The following GOLGA4 variants were observed in gnomAD, a reference collection of about 807,000 sequenced individuals.
The protein encoded by GOLGA4 is golgin subfamily A member 4.
A neutral mutation model predicts 265.9 loss-of-function variants in GOLGA4; 169 were observed. The ratio of observed to expected loss-of-function variants is 0.64; its 90% CI spans 0.56 to 0.72. The LOEUF (loss-of-function observed/expected upper bound fraction) is 0.72, where lower values mean the gene tolerates loss of function less well. GOLGA4 is among the 30% of genes least tolerant of loss of function. The probability of loss-of-function intolerance (pLI) is 0.00; values close to 1 mark genes in which losing one functional copy is unlikely to be tolerated. For missense variants in GOLGA4, 2,482 were observed against 2,483.4 expected, an observed-to-expected ratio of 1.00 and a Z score of 0.01; for synonymous variants, 923 against 855.8, an observed-to-expected ratio of 1.08 and a Z score of -1.37.
chr3:37,336,098 C>T (rs964891313), intron 17 of GOLGA4, among the ~76,000 whole-genome samples: 2 of 152,186 alleles, frequency 1.3e-5, no homozygotes, highest in African/African-American at 2.4e-5. Flanking sequence ...CTATAAAGAG[C>T]TTTGCTACTC....
Position 37,324,736 on chromosome 3 carries a change from A to T in GOLGA4, c.2850A>T (p.Lys950Asn), listed in dbSNP as rs1419524308. 1 of 1,585,632 alleles carries T rather than the reference A, an allele frequency of 6.3e-7. No individual in the cohort carries two copies. Among genetic ancestry groups the T allele is most frequent in the Non-Finnish European group, 8.5e-7 (1 of 1,172,408 alleles). ...ILNEEYETKF[K>N]NQEKKMEKVK... is the part of the protein sequence containing the mutation. ...ATGAGGAATATGAAACCAAATTTAAAAACCAAGAAAAAAAGATGGAAAAAG... is the reference window on the plus strand; with the variant it reads ...ATGAGGAATATGAAACCAAATTTAATAACCAAGAAAAAAAGATGGAAAAAG... The change falls in exon 14 of 24, where the codon AAA (lysine) becomes AAT (asparagine). Residue 950 changes from lysine to asparagine, a missense_variant. Physicochemically the swap from Lys to Asn is moderately conservative, Grantham distance 94. Coordinates refer to ENST00000361924, the MANE Select transcript of GOLGA4 (RefSeq NM_002078.5).
chr3:37,361,422 G>A (rs1400839405), intron 23 of GOLGA4, 117 bp downstream of exon 23: 3 of 619,424 alleles, frequency 4.8e-6, no homozygotes, highest in South Asian at 4.8e-5. Flanking sequence ...TTATGCTATG[G>A]GTTAATATAA....
chr3:37,323,602 G>T lies in GOLGA4; in HGVS notation c.1716G>T (p.Leu572Phe). 6.4e-7 allele frequency: 1 copy of T among 1,559,796 alleles called. No homozygotes were observed. The highest frequency in any genetic ancestry group is 8.6e-7 in the Non-Finnish European group (1 of 1,157,822). ...TTAATTAACAGAGAATTCTTGAATTGGAAAGTTCTTTGGAAAAAAGCTTAC... is the reference window on the plus strand; with the variant it reads ...TTAATTAACAGAGAATTCTTGAATTTGAAAGTTCTTTGGAAAAAAGCTTAC... ...AETYRTRILE[L>F]ESSLEKSLQE... is the part of the protein sequence containing the mutation. The change falls in exon 14 of 24, where the codon TTG (leucine) becomes TTT (phenylalanine). Residue 572 changes from leucine to phenylalanine, a missense_variant. Physicochemically the swap from Leu to Phe is conservative, Grantham distance 22. Transcript: ENST00000361924.
chr3:37,338,789 C>A (rs191181956), intron 19 of GOLGA4, among the ~76,000 whole-genome samples: 323 of 151,908 alleles, frequency 2.1e-3, no homozygotes, highest in African/African-American at 7.5e-3. Flanking sequence ...TGCTTCCTGT[C>A]TCTATGGATT....
At chr3:37,354,700 G>A (rs2097085586) in intron 21 of GOLGA4, among the ~76,000 whole-genome samples, 1 of 151,956 alleles carries the variant, frequency 6.6e-6, no homozygotes, top group South Asian at 2.1e-4. Context: ...ATGTGATTTA[G>A]TTAAAGCTGA....
At chr3:37,296,025 G>A in intron 6 of GOLGA4, 62 bp from the exon 7 acceptor site, 2 of 1,450,628 alleles carry the variant, frequency 1.4e-6, no homozygotes, top group Non-Finnish European at 1.9e-6. Flanking sequence ...GATACCAAGG[G>A]ACAATTGTAC....
In GOLGA4 at chr3:37,251,396, C is replaced by T. The variant is rs201682914; in HGVS notation, c.74C>T (p.Ala25Val). 6.7e-5 allele frequency: 108 copies of T among 1,602,092 alleles called. No individual in the cohort carries two copies. Among genetic ancestry groups the T allele is most frequent in the Non-Finnish European group, 8.1e-5 (95 of 1,169,240 alleles). Residue 25 changes from alanine (A) to valine (V), a missense_variant and splice_region_variant, in exon 2 of 24, where the codon GCG becomes GTG. Transcript: ENST00000361924. ...TTGTGCAATAATTTTTAAATCTAGG[C>T]GTCCTCCAATTCTTCAACACCAACA... The part of the protein sequence containing the change: ...QLQQALAPAQ[A>V]SSNSSTPTRM...
At chr3:37,262,243 C>T (rs1037940366) in intron 2 of GOLGA4, among the ~76,000 whole-genome samples, 9 of 152,136 alleles carry the variant, frequency 5.9e-5, no homozygotes, top group African/African-American at 1.4e-4. Flanking sequence ...TGGTGGCTCA[C>T]GCCTGTAATC....
At chr3:37,337,613 TG>T in intron 18 of GOLGA4, 52 bp from the exon 19 acceptor site, 1 of 1,207,152 alleles carries the variant, frequency 8.3e-7, no homozygotes, top group Non-Finnish European at 1.2e-6. Flanking sequence ...GAAATGTGTC[TG>T]GGCAATAATG....
chr3:37,355,948 T>C (rs1026258050), intron 22 of GOLGA4, among the ~76,000 whole-genome samples: 2 of 152,074 alleles, frequency 1.3e-5, no homozygotes, highest in African/African-American at 4.8e-5. Context: ...ATACCAGCAC[T>C]GGTTTTATTC....
intron 9 of GOLGA4, among the ~76,000 whole-genome samples, chr3:37,301,548 T>G (rs1416562813): frequency 6.6e-6 from 1 of 152,258 alleles, no homozygotes; most frequent in Non-Finnish European, 1.5e-5. Context: ...TTGTTCATTA[T>G]AAACTGTTTA....
chr3:37,294,995 A>G lies in GOLGA4; in HGVS notation c.599A>G (p.Gln200Arg). 6.2e-7 allele frequency: 1 copy of G among 1,607,940 alleles called. No homozygotes were observed. The highest frequency in any genetic ancestry group is 2.2e-5 in the East Asian group (1 of 44,766). Residue 200 changes from glutamine to arginine, a missense_variant, in exon 6 of 24, where the codon CAG becomes CGG. Transcript: ENST00000361924. Reference protein sequence around the residue: ...AELREELQMDQQAKKHLQEEF... With the variant: ...AELREELQMDRQAKKHLQEEF... ...ATGTTTTAGGAGCTCCAAATGGACC[A>G]GCAGGCAAAGAAACATCTGCAAGAG... is the stretch of plus-strand genomic sequence containing the variant.
intron 10 of GOLGA4, among the ~76,000 whole-genome samples, chr3:37,308,616 A>ATG (rs2096913908): frequency 6.7e-6 from 1 of 150,350 alleles, no homozygotes; most frequent in Admixed American, 6.6e-5. Flanking sequence ...AAAAGTAAAT[A>ATG]TATATATATA....
chr3:37,274,069 C>T (rs1460662943), intron 2 of GOLGA4, among the ~76,000 whole-genome samples: 3 of 143,694 alleles, frequency 2.1e-5, no homozygotes, highest in African/African-American at 5.2e-5. Flanking sequence ...CACTGCACTC[C>T]AGCCTGAGCA....
chr3:37,258,533 G>T (rs2096760754), intron 2 of GOLGA4, among the ~76,000 whole-genome samples: 1 of 152,054 alleles, frequency 6.6e-6, no homozygotes, highest in South Asian at 2.1e-4. Context: ...TCACCATGTT[G>T]GCCACGCTGG....
intron 9 of GOLGA4, among the ~76,000 whole-genome samples, chr3:37,301,576 T>C (rs1339769948): frequency 6.6e-6 from 1 of 152,210 alleles, no homozygotes; most frequent in Admixed American, 6.5e-5. Flanking sequence ...AGATAGCACA[T>C]TTGTAGAAAG....
At position 37,326,210 on chromosome 3, in the gene GOLGA4, T is replaced by G; in HGVS notation, c.4324T>G (p.Phe1442Val). 1.2e-6 allele frequency: 2 copies of G among 1,613,656 alleles called. No individual in the cohort carries two copies. The highest frequency in any genetic ancestry group is 1.7e-6 in the Non-Finnish European group (2 of 1,179,648). Residue 1442 changes from phenylalanine (F) to valine (V), a missense_variant, in exon 14 of 24, where the codon TTC (phenylalanine) becomes GTC (valine). Around this residue, in one of 3 missense-constraint regions of GOLGA4, gnomAD observed 942 missense variants for 983.1 expected, o/e 0.96. Coordinates refer to ENST00000361924, the MANE Select transcript of GOLGA4 (RefSeq NM_002078.5). The stretch of plus-strand genomic sequence containing the variant: ...GCAGGTAGATGACTGGTCCAATAAA[T>G]TCTCAGAATGGAAGAAGAAAGCACA... Reference protein sequence around the residue: ...LEQVDDWSNKFSEWKKKAQSR... With the variant: ...LEQVDDWSNKVSEWKKKAQSR...
intron 23 of GOLGA4, among the ~76,000 whole-genome samples, chr3:37,362,579 CT>C: frequency 6.6e-6 from 1 of 151,708 alleles, no homozygotes. Context: ...CTTTATCACC[CT>C]GGCTGGAGGG....
At chr3:37,269,815 TGAG>T (rs1287248324) in intron 2 of GOLGA4, among the ~76,000 whole-genome samples, 2 of 151,766 alleles carry the variant, frequency 1.3e-5, no homozygotes, top group African/African-American at 4.8e-5. Context: ...AATATATATA[TGAG>T]GAGAAGTTTT....
Sources: allele counts gnomAD v4.1 joint callset (sites outside exome capture counted in the v4.1 genomes callset), GRCh38; gene constraint gnomAD v4.1.1; regional missense constraint gnomAD v4.1.1; transcripts MANE v1.5; gene names NCBI Gene and HGNC (gene_info 2026-07-23, HGNC 2026-07-21).